Variants in GALK2 observed in about 807,000 individuals in gnomAD.
GALK2 encodes N-acetylgalactosamine kinase.
Under a neutral mutation model 52.4 loss-of-function variants are expected in GALK2, and 36 were observed. The ratio of observed to expected loss-of-function variants is 0.69; its 90% CI spans 0.53 to 0.91. The LOEUF is 0.91. Ranked by LOEUF, GALK2 falls within the 40% of genes least tolerant of loss-of-function variation. The pLI, the probability that GALK2 is intolerant of heterozygous loss-of-function variation, is 0.00. For missense variants in GALK2, 579 were observed against 559.1 expected (o/e 1.04, Z -0.36); for synonymous variants, 176 against 199.1 (o/e 0.88, Z 0.98).
intron 9 of GALK2, among the ~76,000 whole-genome samples, chr15:49,322,935 G>C (rs1015774933): frequency 2.0e-5 from 3 of 148,754 alleles, no homozygotes; most frequent in Non-Finnish European, 3.0e-5. Flanking sequence ...CCAGCCTGTG[G>C]GACAGAGCAA....
upstream of GALK2, chr15:49,170,039 C>A: frequency 2.1e-6 from 1 of 477,852 alleles, no homozygotes; most frequent in South Asian, 3.0e-5. Flanking sequence ...ACGTGCTCTG[C>A]GCAGGGGCTC....
intron 5 of GALK2, among the ~76,000 whole-genome samples, chr15:49,274,819 T>C (rs2031380091): frequency 6.6e-6 from 1 of 152,152 alleles, no homozygotes; most frequent in South Asian, 2.1e-4. Context: ...AGAGTCAGGA[T>C]CATCAATATC....
chr15:49,286,368 C>G (rs1273360147), intron 7 of GALK2, among the ~76,000 whole-genome samples: 1 of 152,166 alleles, frequency 6.6e-6, no homozygotes, highest in African/African-American at 2.4e-5. Context: ...CAGTTTTTTA[C>G]AAGTACCTAT....
chr15:49,244,564 T>A lies in GALK2; in HGVS notation c.504+5197T>A, dbSNP rs180771388. The stretch of plus-strand genomic sequence containing the variant: ...TAGGCTATCTGTTTAAATGAATTAA[T>A]CAAATGTGAGGGTATAGTAAAACAT... On this transcript the variant is annotated intron_variant, in intron 5 of 9. Coordinates refer to ENST00000560031, the MANE Select transcript of GALK2 (RefSeq NM_002044.4). Among the ~76,000 whole-genome samples the A allele has an allele frequency of 8.1e-3, 1,228 of 152,070 alleles. 16 individuals are homozygous for A. The highest frequency in any genetic ancestry group is 0.029 in the African/African-American group (1,182 of 41,410).
At chr15:49,186,745 G>T (rs1484295360) in intron 1 of GALK2, among the ~76,000 whole-genome samples, 1 of 151,994 alleles carries the variant, frequency 6.6e-6, no homozygotes, top group African/African-American at 2.4e-5. Flanking sequence ...CACCATGTTG[G>T]CCAGGATGGT....
intron 1 of GALK2, among the ~76,000 whole-genome samples, chr15:49,186,345 C>T (rs188916143): frequency 6.6e-6 from 1 of 151,634 alleles, no homozygotes; most frequent in Admixed American, 6.6e-5. Flanking sequence ...TTTCAAATAC[C>T]CTGTCTTCAA....
intron 8 of GALK2, among the ~76,000 whole-genome samples, chr15:49,314,511 T>A (rs889103921): frequency 2.0e-5 from 3 of 152,240 alleles, no homozygotes; most frequent in Non-Finnish European, 2.9e-5. Flanking sequence ...ATTGTACTTG[T>A]CTCACTACTG....
At chr15:49,162,444 GA>G (rs1260506631) in intron 1 of GALK2, among the ~76,000 whole-genome samples, 3 of 152,186 alleles carry the variant, frequency 2.0e-5, no homozygotes, top group African/African-American at 7.2e-5. Flanking sequence ...AAGCTGCTAA[GA>G]ACATTTGTGC....
intron 2 of GALK2, among the ~76,000 whole-genome samples, chr15:49,201,607 T>A (rs1464901305): frequency 6.6e-6 from 1 of 152,194 alleles, no homozygotes; most frequent in Non-Finnish European, 1.5e-5. Flanking sequence ...CAGGGAAACC[T>A]TAAAATTCCT....
At chr15:49,338,975 C>T (rs1056036618) in intron 3 of GALK2, among the ~76,000 whole-genome samples, 19 of 152,064 alleles carry the variant, frequency 1.2e-4, no homozygotes, top group African/African-American at 3.6e-4. Context: ...TTTTCAGCTC[C>T]GTCAGGTCAC....
intron 3 of GALK2, among the ~76,000 whole-genome samples, chr15:49,357,952 T>C (rs1177256183): frequency 1.3e-5 from 2 of 152,000 alleles, no homozygotes; most frequent in Non-Finnish European, 2.9e-5. Context: ...TCAATAAATG[T>C]AATCCAGCAT....
chr15:49,168,109 C>A (rs910658638), upstream of GALK2, among the ~76,000 whole-genome samples: 1 of 152,170 alleles, frequency 6.6e-6, no homozygotes, highest in Non-Finnish European at 1.5e-5. Flanking sequence ...TTGTGCCAAT[C>A]ATTTCAAAAA....
chr15:49,288,595 C>T (rs2033623159), intron 7 of GALK2, among the ~76,000 whole-genome samples: 1 of 152,170 alleles, frequency 6.6e-6, no homozygotes, highest in African/African-American at 2.4e-5. Flanking sequence ...GCCAATTTCA[C>T]GCAGCCAGTT....
chr15:49,353,079 T>G (rs2413942), intron 3 of GALK2, among the ~76,000 whole-genome samples: 2 of 152,136 alleles, frequency 1.3e-5, no homozygotes, highest in Admixed American at 6.5e-5. Context: ...GGTGAGTTGA[T>G]GAAATGAGAA....
chr15:49,216,167 G>C (rs1020533374), intron 2 of GALK2, among the ~76,000 whole-genome samples: 1 of 152,142 alleles, frequency 6.6e-6, no homozygotes, highest in Non-Finnish European at 1.5e-5. Flanking sequence ...CACTGTGCTA[G>C]GTCACACCTG....
At chr15:49,294,679 A>G (rs918152306) in intron 8 of GALK2, among the ~76,000 whole-genome samples, 1 of 152,200 alleles carries the variant, frequency 6.6e-6, no homozygotes, top group Non-Finnish European at 1.5e-5. Context: ...TCTCTACTTT[A>G]TAGTGACTTA....
At chr15:49,175,497 T>C (rs1347982348) in intron 1 of GALK2, among the ~76,000 whole-genome samples, 1 of 152,176 alleles carries the variant, frequency 6.6e-6, no homozygotes, top group Non-Finnish European at 1.5e-5. Context: ...GACATCTACT[T>C]AAGTTTCTCA....
chr15:49,292,761 G>A (rs2034064541), intron 8 of GALK2, among the ~76,000 whole-genome samples: 1 of 152,124 alleles, frequency 6.6e-6, no homozygotes, highest in South Asian at 2.1e-4. Context: ...CTGTCTTCCA[G>A]GGGCTTATAA....
In GALK2 at chr15:49,292,507, A is replaced by T; in HGVS notation, c.937A>T (p.Thr313Ser). The change falls in exon 8 of 10, where the codon ACC becomes TCC. Residue 313 changes from threonine to serine, a missense_variant. By Grantham distance (58) the Thr-to-Ser change is moderately conservative (BLOSUM62 1). Transcript: ENST00000560031. ...GGGAATTAGCCTGGAGGAACTCCGA[A>T]CCCAAATCCTGAGTCCAAACACTCA... ...CLGISLEELR[T>S]QILSPNTQDV... The T allele has an allele frequency of 6.2e-7, 1 of 1,613,946 alleles. No individual in the cohort carries two copies. The highest frequency in any genetic ancestry group is 8.5e-7 in the Non-Finnish European group (1 of 1,179,938).
Sources: allele counts gnomAD v4.1 joint callset (sites outside exome capture counted in the v4.1 genomes callset), GRCh38; gene constraint gnomAD v4.1.1; transcripts MANE v1.5; gene names NCBI Gene and HGNC (gene_info 2026-07-23, HGNC 2026-07-21).